AUTS2: variants seen among roughly 807,000 people sequenced by gnomAD.
AUTS2 encodes the protein autism susceptibility gene 2 protein.
In AUTS2, 17 loss-of-function variants were observed where a neutral mutation model predicts 112.4. The observed-to-expected ratio is 0.15, with a 90% CI of 0.10 to 0.23. The LOEUF is 0.23. Among genes scored for constraint, AUTS2 ranks in the 10% least tolerant of loss-of-function variants. AUTS2 has a pLI of 1.00. For synonymous variants in AUTS2, 751 were observed against 702.7 expected (o/e 1.07, Z -1.09); for missense variants, 1,510 against 1,701.6 (o/e 0.89, Z 1.98).
intron 1 of AUTS2, among the ~76,000 whole-genome samples, chr7:69,764,736 C>A (rs1293987454): frequency 6.6e-6 from 1 of 152,180 alleles, no homozygotes; most frequent in African/African-American, 2.4e-5. Context: ...AAACCTCATT[C>A]ATATTAGCAA....
chr7:70,667,069 C>A (rs763503611), intron 5 of AUTS2, among the ~76,000 whole-genome samples: 6 of 151,702 alleles, frequency 4.0e-5, no homozygotes, highest in Non-Finnish European at 7.4e-5. Context: ...TGACTTTGTG[C>A]AAACACAGTG....
At chr7:70,358,590 C>A (rs2129625656) in intron 4 of AUTS2, among the ~76,000 whole-genome samples, 1 of 152,320 alleles carries the variant, frequency 6.6e-6, no homozygotes, top group South Asian at 2.1e-4. Context: ...CCTATGCAGG[C>A]CCTAGAAGCA....
At chr7:70,111,069 C>G (rs1321577576) in intron 2 of AUTS2, among the ~76,000 whole-genome samples, 4 of 151,062 alleles carry the variant, frequency 2.6e-5, no homozygotes, top group African/African-American at 4.9e-5. Context: ...TTAGTAGAGA[C>G]GGGGTTTCAC....
chr7:70,782,454 T>C (rs1466997544), intron 15 of AUTS2: 2 of 152,272 alleles, frequency 1.3e-5, no homozygotes, highest in East Asian at 1.9e-4. Flanking sequence ...GTGACGATTA[T>C]GCTCATTCCT....
intron 5 of AUTS2, among the ~76,000 whole-genome samples, chr7:70,464,757 A>G (rs1797106200): frequency 6.6e-6 from 1 of 152,222 alleles, no homozygotes; most frequent in Non-Finnish European, 1.5e-5. Flanking sequence ...TAACTGGAAT[A>G]TGAGGTTGGT....
chr7:70,563,061 T>C (rs1311136617), intron 5 of AUTS2, among the ~76,000 whole-genome samples: 1 of 152,096 alleles, frequency 6.6e-6, no homozygotes, highest in Non-Finnish European at 1.5e-5. Flanking sequence ...GGAGACAGAA[T>C]TGTAAAACTA....
intron 5 of AUTS2, among the ~76,000 whole-genome samples, chr7:70,544,394 T>C (rs1280949215): frequency 1.3e-5 from 2 of 152,232 alleles, no homozygotes; most frequent in Non-Finnish European, 1.5e-5. Context: ...TGTTTGTTGC[T>C]GACAGTGAGG....
intron 2 of AUTS2, among the ~76,000 whole-genome samples, chr7:70,025,404 G>C (rs555242578): frequency 6.7e-6 from 1 of 148,424 alleles, no homozygotes; most frequent in African/African-American, 2.5e-5. Context: ...CTATTTTTCA[G>C]TGTTTCACTT....
chr7:70,179,617 T>A (rs1809189782), intron 4 of AUTS2, among the ~76,000 whole-genome samples: 1 of 152,152 alleles, frequency 6.6e-6, no homozygotes, highest in South Asian at 2.1e-4. Context: ...TATACTCAAC[T>A]TGTAAAGAGT....
chr7:70,371,499 G>T (rs954480508), intron 4 of AUTS2, among the ~76,000 whole-genome samples: 3 of 152,172 alleles, frequency 2.0e-5, no homozygotes, highest in African/African-American at 7.2e-5. Context: ...ACTAATGATA[G>T]AGGAAAACCT....
At chr7:70,480,990 CAT>C (rs1175360642) in intron 5 of AUTS2, among the ~76,000 whole-genome samples, 1 of 152,174 alleles carries the variant, frequency 6.6e-6, no homozygotes, top group Non-Finnish European at 1.5e-5. Context: ...TGGAACCACA[CAT>C]GTGTAAAGGC....
intron 1 of AUTS2, among the ~76,000 whole-genome samples, chr7:69,824,899 C>G (rs977958415): frequency 1.3e-5 from 2 of 152,146 alleles, no homozygotes; most frequent in South Asian, 2.1e-4. Flanking sequence ...CGCAATAAGA[C>G]TTTTAATGAC....
intron 15 of AUTS2, 133 bp downstream of exon 15, chr7:70,781,889 C>T (rs1049297494): frequency 8.6e-7 from 1 of 1,168,248 alleles, no homozygotes; most frequent in Non-Finnish European, 1.2e-6. Flanking sequence ...GCTTGCAAGG[C>T]AACATCGCAG....
intron 1 of AUTS2, among the ~76,000 whole-genome samples, chr7:69,803,527 G>A (rs201746921): frequency 1.0e-4 from 15 of 149,178 alleles, no homozygotes; most frequent in African/African-American, 9.8e-5. Flanking sequence ...ACCATCTTTG[G>A]AAAAAAAAAA....
At chr7:70,343,583 T>C (rs1791368391) in intron 4 of AUTS2, among the ~76,000 whole-genome samples, 1 of 152,066 alleles carries the variant, frequency 6.6e-6, no homozygotes, top group Non-Finnish European at 1.5e-5. Context: ...TGATGGAATG[T>C]AAGGGAAGAA....
intron 1 of AUTS2, among the ~76,000 whole-genome samples, chr7:69,873,388 GAA>G (rs1793590515): frequency 6.8e-6 from 1 of 147,746 alleles, no homozygotes; most frequent in African/African-American, 2.5e-5. Flanking sequence ...GTAGAGATTT[GAA>G]TTTAGTTGCC....
At position 70,587,395 on chromosome 7, in the gene AUTS2, A is replaced by C. The variant is rs146511027; in HGVS notation, c.691-111174A>C. ...CCTGCCCAGGAAGGGATTTTTCAAG[A>C]GGAAATGAGACAGAAAGAGTTTGGA... On this transcript the variant is annotated intron_variant, in intron 5 of 18. Transcript: ENST00000342771. Among the ~76,000 whole-genome samples the C allele has an allele frequency of 3.6e-4, 55 of 152,300 alleles. No individual in the cohort carries two copies. The East Asian group carries it at 0.01, about 29-fold the overall frequency.
chr7:70,108,192 C>G (rs1804874789), intron 2 of AUTS2, among the ~76,000 whole-genome samples: 1 of 151,988 alleles, frequency 6.6e-6, no homozygotes, highest in African/African-American at 2.4e-5. Flanking sequence ...TTTGGCTGCA[C>G]TTGAAATGAA....
At chr7:70,549,089 G>GT (rs1222922495) in intron 5 of AUTS2, among the ~76,000 whole-genome samples, 1 of 152,098 alleles carries the variant, frequency 6.6e-6, no homozygotes, top group Non-Finnish European at 1.5e-5. Context: ...TCTCAACAAT[G>GT]TATTATAGTT....
Sources: gnomAD v4.1 joint callset for allele counts (sites outside exome capture counted in the v4.1 genomes callset) on GRCh38, gnomAD v4.1.1 for gene constraint, MANE v1.5 for transcripts, NCBI Gene and HGNC (gene_info 2026-07-23, HGNC 2026-07-21) for gene names.